Variants in CACNA1B observed in about 807,000 individuals in gnomAD.
The protein encoded by CACNA1B is calcium voltage-gated channel subunit alpha1 B, also known as voltage-dependent N-type calcium channel subunit alpha-1B.
In CACNA1B, 70 loss-of-function variants were observed where a neutral mutation model predicts 247.2. That is an observed-to-expected ratio of 0.28 (90% CI 0.23 to 0.35). The LOEUF (loss-of-function observed/expected upper bound fraction) is 0.35. Among genes scored for constraint, CACNA1B ranks in the 10% least tolerant of loss-of-function variants. CACNA1B has a pLI of 1.00. For synonymous variants in CACNA1B, 1,231 were observed against 1,294.4 expected, an observed-to-expected ratio of 0.95 and a Z score of 1.05; for missense variants, 2,367 against 3,197.4, an observed-to-expected ratio of 0.74 and a Z score of 6.26.
intron 10 of CACNA1B, among the ~76,000 whole-genome samples, chr9:137,965,805 T>C (rs529598678): frequency 1.8e-4 from 28 of 152,254 alleles, no homozygotes; most frequent in Non-Finnish European, 3.4e-4. Flanking sequence ...AGGCTGGTCT[T>C]GAACTCTGAC....
chr9:138,088,104 C>T (rs1212131980), intron 36 of CACNA1B, among the ~76,000 whole-genome samples: 1 of 152,152 alleles, frequency 6.6e-6, no homozygotes, highest in Non-Finnish European at 1.5e-5. Context: ...TGCGGTGGCT[C>T]ACACCTGTAA....
intron 38 of CACNA1B, among the ~76,000 whole-genome samples, chr9:138,104,418 G>T (rs1037678985): frequency 6.6e-6 from 1 of 152,202 alleles, no homozygotes; most frequent in African/African-American, 2.4e-5. Flanking sequence ...GAATTCCTTG[G>T]CCTCTCACAC....
At chr9:138,069,566 G>A (rs1382945888) in intron 31 of CACNA1B, among the ~76,000 whole-genome samples, 192 bp from the exon 32 acceptor site, 1 of 152,088 alleles carries the variant, frequency 6.6e-6, no homozygotes, top group Non-Finnish European at 1.5e-5. Flanking sequence ...TGCTTGTGTT[G>A]ATGACTCATT....
At chr9:137,918,216 G>A (rs556919590) in intron 6 of CACNA1B, among the ~76,000 whole-genome samples, 1 of 151,992 alleles carries the variant, frequency 6.6e-6, no homozygotes, top group Non-Finnish European at 1.5e-5. Flanking sequence ...GGCTTGGGGG[G>A]GGTGCCTGAT....
intron 15 of CACNA1B, among the ~76,000 whole-genome samples, chr9:137,999,484 GT>G (rs1255618646): frequency 6.6e-6 from 1 of 151,136 alleles, no homozygotes; most frequent in Non-Finnish European, 1.5e-5. Flanking sequence ...TCTTAATGCA[GT>G]TATCAGAAAA....
chr9:138,037,102 G>A (rs1378956630), intron 20 of CACNA1B, among the ~76,000 whole-genome samples: 1 of 152,170 alleles, frequency 6.6e-6, no homozygotes, highest in Non-Finnish European at 1.5e-5. Context: ...TTGTTGGGGA[G>A]AACATATGGT....
intron 7 of CACNA1B, among the ~76,000 whole-genome samples, chr9:137,953,263 T>C (rs951075095): frequency 6.6e-6 from 1 of 152,232 alleles, no homozygotes; most frequent in Non-Finnish European, 1.5e-5. Context: ...CCTGCCTGGC[T>C]TCCTGCTCCC....
rs1030582172 is a variant in CACNA1B at position 138,010,301 on chromosome 9, C to T, written c.2160+224C>T. Among the ~76,000 whole-genome samples, 1 of 152,294 alleles carries T rather than the reference C, an allele frequency of 6.6e-6. No homozygotes were observed. Among genetic ancestry groups the T allele is most frequent in the Admixed American group, 6.5e-5 (1 of 15,294 alleles). ...TGGACAGGCAGGCTCTCAGGGAAGC[C>T]AGCACAGGGAAGAATGGCCTGAACG... On this transcript the variant is annotated intron_variant, in intron 17 of 46. Coordinates refer to ENST00000371372, the MANE Select transcript of CACNA1B (RefSeq NM_000718.4). This position sits in a 1 kb window ranked among gnomAD's most constrained non-coding sequence, Gnocchi z 5.3.
rs758337766 is a variant in CACNA1B at position 137,957,847 on chromosome 9, C to T, written c.1333+160C>T. ...TTGCTGCTCCTGGCTTTGTGACCCC[C>T]ATGTGGACATAGGGCCCTTAGCCAT... On this transcript the variant is annotated intron_variant, in intron 10 of 46. Coordinates refer to ENST00000371372, the MANE Select transcript of CACNA1B (RefSeq NM_000718.4). This position sits in a 1 kb window ranked among gnomAD's most constrained non-coding sequence, Gnocchi z 4.7. Among the ~76,000 whole-genome samples, 6 of 152,196 alleles carry T rather than the reference C, an allele frequency of 3.9e-5. No individual in the cohort carries two copies. The highest frequency in any genetic ancestry group is 7.2e-5 in the African/African-American group (3 of 41,444).
chr9:137,939,889 G>A (rs554108841), intron 6 of CACNA1B, among the ~76,000 whole-genome samples: 4 of 151,240 alleles, frequency 2.6e-5, no homozygotes, highest in Admixed American at 1.3e-4. Context: ...CAGTAGTGAC[G>A]CAACCTACCA....
At chr9:138,013,719 C>T (rs566737917) in intron 18 of CACNA1B, among the ~76,000 whole-genome samples, 155 of 152,354 alleles carry the variant, frequency 1.0e-3, no homozygotes, top group African/African-American at 3.4e-3. Flanking sequence ...GTTATTCTGG[C>T]GAAAACTGCG....
chr9:138,025,768 T>C (rs1444898588), intron 20 of CACNA1B, among the ~76,000 whole-genome samples: 1 of 152,208 alleles, frequency 6.6e-6, no homozygotes, highest in Admixed American at 6.5e-5. Flanking sequence ...GGGACCAAGA[T>C]GTCATTCCTG....
chr9:138,122,499 T>TA lies in CACNA1B; in HGVS notation c.*500_*501insA. On this transcript the variant is annotated 3_prime_UTR_variant, in exon 47 of 47. Coordinates refer to ENST00000371372, the MANE Select transcript of CACNA1B (RefSeq NM_000718.4). Reference sequence around the variant, plus strand: ...GCAGCCCGCCAGTGTCAGCGAATGCTCACTCAGGCAAGCTCTGTCCTCCCT... The same window carrying TA: ...GCAGCCCGCCAGTGTCAGCGAATGCTACACTCAGGCAAGCTCTGTCCTCCCT... The TA allele has an allele frequency of 6.3e-6, 1 of 159,684 alleles. No homozygotes were observed. Among genetic ancestry groups the TA allele is most frequent in the Non-Finnish European group, 1.4e-5 (1 of 72,784 alleles). The allele number at this position is 159,684 out of a possible 1,614,324, so 9.9% of individuals were successfully genotyped here.
intron 32 of CACNA1B, among the ~76,000 whole-genome samples, chr9:138,070,466 G>A (rs1314666900): frequency 6.6e-6 from 1 of 152,254 alleles, no homozygotes; most frequent in Admixed American, 6.5e-5. Context: ...CATTTGGAGT[G>A]CAGGTCCAAC....
chr9:137,929,710 G>C (rs1337386512), intron 6 of CACNA1B, among the ~76,000 whole-genome samples: 1 of 152,014 alleles, frequency 6.6e-6, no homozygotes, highest in Admixed American at 6.6e-5. Flanking sequence ...TGGAGTACAG[G>C]GGCATGGTCA....
At chr9:138,097,807 G>A (rs935778278) in intron 37 of CACNA1B, among the ~76,000 whole-genome samples, 1 of 152,188 alleles carries the variant, frequency 6.6e-6, no homozygotes, top group Admixed American at 6.5e-5. Flanking sequence ...AGAGCTCCTG[G>A]GTTCTGCCTG....
Position 138,076,182 on chromosome 9 carries a change from G to A in CACNA1B, c.4949+272G>A, listed in dbSNP as rs574455169. On this transcript the variant is annotated intron_variant, in intron 35 of 46. Coordinates refer to ENST00000371372, the MANE Select transcript of CACNA1B (RefSeq NM_000718.4). ...GCCCTGGGCCAGGCCGGCCTCTGCTGCCTCGTCTGTGCTCCCTGGCGACAG... is the reference window on the plus strand; with the variant it reads ...GCCCTGGGCCAGGCCGGCCTCTGCTACCTCGTCTGTGCTCCCTGGCGACAG... 3.5e-4 allele frequency among the ~76,000 whole-genome samples: 54 copies of A among 152,328 alleles called. 1 individual carries two copies. In the South Asian group the frequency reaches 0.01, roughly 29 times the overall value.
At chr9:137,981,882 T>C (rs1958297296) in intron 12 of CACNA1B, among the ~76,000 whole-genome samples, 2 of 152,232 alleles carry the variant, frequency 1.3e-5, no homozygotes. Context: ...TCTCCTCGCT[T>C]TCCTGCAGAC....
intron 31 of CACNA1B, among the ~76,000 whole-genome samples, chr9:138,066,271 G>C (rs1184083073): frequency 6.6e-6 from 1 of 152,220 alleles, no homozygotes; most frequent in Non-Finnish European, 1.5e-5. Context: ...GGCAGCCTGT[G>C]GGAATCCCTG....
Sources: allele counts gnomAD v4.1 joint callset (sites outside exome capture counted in the v4.1 genomes callset), GRCh38; gene constraint gnomAD v4.1.1; non-coding constraint Gnocchi (gnomAD v3.1); transcripts MANE v1.5; gene names NCBI Gene and HGNC (gene_info 2026-07-23, HGNC 2026-07-21).